Variants in CNOT6L observed in about 807,000 individuals in gnomAD.
CNOT6L encodes the protein CCR4-NOT transcription complex subunit 6 like.
A neutral mutation model predicts 64.0 loss-of-function variants in CNOT6L; 7 were observed. That is an observed-to-expected ratio of 0.11 (90% confidence interval 0.06 to 0.21). CNOT6L has a LOEUF of 0.21. Ranked by LOEUF, CNOT6L falls within the 10% of genes least tolerant of loss-of-function variation. The probability of loss-of-function intolerance (pLI) is 1.00; values close to 1 mark genes in which losing one functional copy is unlikely to be tolerated. For synonymous variants in CNOT6L, 193 were observed against 243.4 expected, an observed-to-expected ratio of 0.79 and a Z score of 1.93; for missense variants, 245 against 669.0, an observed-to-expected ratio of 0.37 and a Z score of 6.99.
chr4:77,724,719 AAT>A (rs1721648139), intron 11 of CNOT6L, among the ~76,000 whole-genome samples: 1 of 152,090 alleles, frequency 6.6e-6, no homozygotes, highest in East Asian at 1.9e-4. Context: ...GAACAATAAT[AAT>A]AGTTGCAGAA....
In CNOT6L at chr4:77,778,410, T is replaced by TG. The variant is rs1728394337; in HGVS notation, c.6-2019_6-2018insC. 1.2e-4 allele frequency among the ~76,000 whole-genome samples: 18 copies of TG among 151,788 alleles called. No individual in the cohort carries two copies. The South Asian group carries it at 3.8e-3, about 32-fold the overall frequency. On this transcript the variant is annotated intron_variant, in intron 1 of 11. Coordinates refer to ENST00000504123, the MANE Select transcript of CNOT6L (RefSeq NM_144571.3). ...GGTTTCACTAATTTTAGATCTTTTTTTTTTTGAGACGGAGTTTTGCTCTGT... is the reference window on the plus strand; with the variant it reads ...GGTTTCACTAATTTTAGATCTTTTTTGTTTTTGAGACGGAGTTTTGCTCTGT...
At chr4:77,765,539 T>C (rs1197676160) in intron 4 of CNOT6L, among the ~76,000 whole-genome samples, 1 of 152,228 alleles carries the variant, frequency 6.6e-6, no homozygotes, top group African/African-American at 2.4e-5. Context: ...TTCAGAGAAC[T>C]GAATAATACA....
At position 77,751,070 on chromosome 4, in the gene CNOT6L, C is replaced by T. The variant is rs1724806471; in HGVS notation, c.491-2686G>A. 2.6e-5 allele frequency among the ~76,000 whole-genome samples: 4 copies of T among 152,316 alleles called. No individual in the cohort carries two copies. In the South Asian group the frequency reaches 8.3e-4, roughly 32 times the overall value. On this transcript the variant is annotated intron_variant, in intron 5 of 11. Coordinates refer to ENST00000504123, the MANE Select transcript of CNOT6L (RefSeq NM_144571.3). Reference sequence around the variant, plus strand: ...GTGTTAAAAGACCAACAGACACCAACACTGAGCTGAATCAGATGTTGAAAT... The same window carrying T: ...GTGTTAAAAGACCAACAGACACCAATACTGAGCTGAATCAGATGTTGAAAT...
At chr4:77,727,272 G>T (rs771089472) in intron 10 of CNOT6L, among the ~76,000 whole-genome samples, 4 of 151,886 alleles carry the variant, frequency 2.6e-5, no homozygotes, top group Admixed American at 2.6e-4. Flanking sequence ...TAAAAATGAA[G>T]AACTAGGCTG....
chr4:77,720,466 G>C lies in CNOT6L; in HGVS notation c.1633C>G (p.Leu545Val), dbSNP rs778624289. ...TTAGGCAAGTGAACACCATTGACAAGAGGCAGGAGTGGAGGGTGGAGTTCA... is the reference window on the plus strand; with the variant it reads ...TTAGGCAAGTGAACACCATTGACAACAGGCAGGAGTGGAGGGTGGAGTTCA... The part of the protein sequence containing the change: ...QLELHPPLLP[L>V]VNGVHLPNRR The change falls in exon 12 of 12, where the codon CTT (leucine) becomes GTT (valine). Residue 545 changes from leucine to valine, a missense_variant. Around this residue, in one of 10 missense-constraint regions of CNOT6L, gnomAD observed 7 missense variants for 26.5 expected, o/e 0.26. Transcript: ENST00000504123. The C allele has an allele frequency of 1.1e-5, 17 of 1,613,384 alleles. No homozygotes were observed. In the East Asian group the frequency reaches 3.6e-4, roughly 34 times the overall value.
chr4:77,767,745 G>GC (rs35508087), intron 4 of CNOT6L, among the ~76,000 whole-genome samples: 79,669 of 151,620 alleles, frequency 0.53, 21,155 homozygotes, highest in Admixed American at 0.56. Context: ...TTGGGAGGCT[G>GC]AGGCAGGTAG....
At chr4:77,764,506 T>C (rs1726588064) in intron 4 of CNOT6L, among the ~76,000 whole-genome samples, 2 of 152,150 alleles carry the variant, frequency 1.3e-5, no homozygotes, top group African/African-American at 4.8e-5. Flanking sequence ...TTTACTTTCC[T>C]AATAAACTTG....
chr4:77,726,061 A>T, intron 11 of CNOT6L, 106 bp downstream of exon 11: 1 of 1,060,750 alleles, frequency 9.4e-7, no homozygotes, highest in Non-Finnish European at 1.4e-6. Context: ...TTAAGAATCT[A>T]AAAATTCCTG....
intron 11 of CNOT6L, among the ~76,000 whole-genome samples, chr4:77,724,717 A>G (rs962136124): frequency 7.9e-5 from 12 of 152,214 alleles, no homozygotes; most frequent in African/African-American, 2.9e-4. Context: ...CTGAACAATA[A>G]TAATAGTTGC....
chr4:77,801,302 G>A (rs1731519790), intron 1 of CNOT6L, among the ~76,000 whole-genome samples: 1 of 152,120 alleles, frequency 6.6e-6, no homozygotes, highest in South Asian at 2.1e-4. Flanking sequence ...TAGATACTCT[G>A]CAAAAGCAAC....
At chr4:77,741,023 A>C (rs1723521718) in intron 8 of CNOT6L, among the ~76,000 whole-genome samples, 1 of 152,178 alleles carries the variant, frequency 6.6e-6, no homozygotes, top group African/African-American at 2.4e-5. Flanking sequence ...AAAATCACCT[A>C]ATGATGCATT....
chr4:77,806,071 CCTT>C (rs1732184958), intron 1 of CNOT6L, among the ~76,000 whole-genome samples: 1 of 152,150 alleles, frequency 6.6e-6, no homozygotes, highest in African/African-American at 2.4e-5. Context: ...TAAAAGGCCT[CCTT>C]CTTCCCAGTC....
intron 4 of CNOT6L, among the ~76,000 whole-genome samples, chr4:77,768,420 G>A (rs975540280): frequency 5.3e-5 from 8 of 149,578 alleles, no homozygotes; most frequent in Admixed American, 1.3e-4. Flanking sequence ...GGCCGAGATC[G>A]CGCCACTGCA....
At chr4:77,818,038 T>C (rs968966155) in intron 1 of CNOT6L, among the ~76,000 whole-genome samples, 2 of 152,218 alleles carry the variant, frequency 1.3e-5, no homozygotes, top group African/African-American at 4.8e-5. Context: ...ATTCTCAAAA[T>C]AGCTTTCCAG....
intron 8 of CNOT6L, among the ~76,000 whole-genome samples, chr4:77,741,337 G>C (rs967294388): frequency 5.9e-5 from 9 of 152,004 alleles, no homozygotes; most frequent in Non-Finnish European, 8.8e-5. Flanking sequence ...GATTGGCTTT[G>C]GTAAAATAGA....
chr4:77,789,876 A>C (rs1398432446), intron 1 of CNOT6L, among the ~76,000 whole-genome samples: 5 of 148,942 alleles, frequency 3.4e-5, no homozygotes, highest in Non-Finnish European at 5.9e-5. Flanking sequence ...GCTTGAGCCC[A>C]AGAAGTGGAT....
chr4:77,776,298 A>AT lies in CNOT6L; in HGVS notation c.99dup (p.Ser34IlefsTer11). The stretch of plus-strand genomic sequence containing the variant: ...GAGATTTCTAATTCTGCCCAGTGAG[A>AT]TTTTTTCCCATTGGCTACCTCCTCT... On this transcript the variant is annotated frameshift_variant, in exon 2 of 12. Transcript: ENST00000504123. LOFTEE classifies it high-confidence loss of function. The AT allele has an allele frequency of 6.2e-7, 1 of 1,611,460 alleles. No homozygotes were observed. Among genetic ancestry groups the AT allele is most frequent in the Non-Finnish European group, 8.5e-7 (1 of 1,179,542 alleles).
chr4:77,740,654 C>CA (rs1723478347), intron 8 of CNOT6L, among the ~76,000 whole-genome samples: 1 of 152,062 alleles, frequency 6.6e-6, no homozygotes, highest in Non-Finnish European at 1.5e-5. Flanking sequence ...ATAAACAATT[C>CA]GAAAAGGCTG....
At chr4:77,758,775 A>G (rs1725845646) in intron 4 of CNOT6L, among the ~76,000 whole-genome samples, 1 of 152,222 alleles carries the variant, frequency 6.6e-6, no homozygotes, top group African/African-American at 2.4e-5. Flanking sequence ...GAGTCTTACT[A>G]TAAAGACTGG....
Sources: allele counts gnomAD v4.1 joint callset (sites outside exome capture counted in the v4.1 genomes callset), GRCh38; gene constraint gnomAD v4.1.1; regional missense constraint gnomAD v4.1.1; transcripts MANE v1.5; gene names NCBI Gene and HGNC (gene_info 2026-07-23, HGNC 2026-07-21).